YWHAE: variants seen among roughly 807,000 people sequenced by gnomAD.
YWHAE encodes the protein 14-3-3 protein epsilon.
YWHAE carries 4 observed loss-of-function variants against 30.1 expected under a neutral mutation model. The ratio of observed to expected loss-of-function variants is 0.13; its 90% CI spans 0.07 to 0.30. The LOEUF (loss-of-function observed/expected upper bound fraction) is 0.30. Ranked by LOEUF, YWHAE falls within the 10% of genes least tolerant of loss-of-function variation. YWHAE has a pLI of 1.00. For synonymous variants in YWHAE, 118 were observed against 111.8 expected, an observed-to-expected ratio of 1.06 and a Z score of -0.35; for missense variants, 121 against 315.9, an observed-to-expected ratio of 0.38 and a Z score of 4.68.
chr17:1,349,677 T>TG (rs1292550934), intron 5 of YWHAE, among the ~76,000 whole-genome samples: 1 of 151,214 alleles, frequency 6.6e-6, no homozygotes, highest in African/African-American at 2.4e-5. Flanking sequence ...GCAGTGGTGC[T>TG]ATCTCGGCTC....
At chr17:1,373,354 C>A (rs994185453) in intron 1 of YWHAE, among the ~76,000 whole-genome samples, 1 of 151,862 alleles carries the variant, frequency 6.6e-6, no homozygotes, top group African/African-American at 2.4e-5. Flanking sequence ...TCACAGATAA[C>A]CACCATTAAC....
At chr17:1,355,232 A>C (rs1388432851) in intron 4 of YWHAE, among the ~76,000 whole-genome samples, 1 of 124,490 alleles carries the variant, frequency 8.0e-6, no homozygotes, top group Non-Finnish European at 1.6e-5. Flanking sequence ...TGTAGGCTAA[A>C]TGCAAGCTCC....
At chr17:1,377,692 A>G (rs923860652) in intron 1 of YWHAE, among the ~76,000 whole-genome samples, 1 of 152,192 alleles carries the variant, frequency 6.6e-6, no homozygotes, top group African/African-American at 2.4e-5. Context: ...CAATTAGCCA[A>G]TGACCTTTCC....
intron 1 of YWHAE, among the ~76,000 whole-genome samples, chr17:1,368,818 TTAAG>T (rs371757320): frequency 1.1e-3 from 160 of 152,308 alleles, no homozygotes; most frequent in African/African-American, 3.7e-3. Flanking sequence ...AAAGTAAATC[TTAAG>T]TAACCCAGCT....
intron 1 of YWHAE, among the ~76,000 whole-genome samples, chr17:1,370,409 G>A (rs561603818): frequency 2.6e-5 from 4 of 151,948 alleles, no homozygotes; most frequent in Admixed American, 6.5e-5. Flanking sequence ...GGGATTACAG[G>A]CGTGAGCCAC....
At chr17:1,349,915 G>T (rs1013128443) in intron 5 of YWHAE, among the ~76,000 whole-genome samples, 2 of 149,742 alleles carry the variant, frequency 1.3e-5, no homozygotes, top group Non-Finnish European at 3.0e-5. Flanking sequence ...GCGCCCAGCC[G>T]AATTTCACTA....
intron 5 of YWHAE, among the ~76,000 whole-genome samples, chr17:1,348,748 G>C (rs956660386): frequency 4.6e-5 from 7 of 152,220 alleles, no homozygotes; most frequent in African/African-American, 1.7e-4. Context: ...TGTAGGCCGG[G>C]AACAGTGGCT....
intron 1 of YWHAE, among the ~76,000 whole-genome samples, chr17:1,379,420 G>A (rs1301804954): frequency 6.6e-6 from 1 of 152,074 alleles, no homozygotes; most frequent in Non-Finnish European, 1.5e-5. Flanking sequence ...AGGAAGTCAA[G>A]GCTGCAATGA....
At chr17:1,385,378 T>C (rs1461114443) in intron 1 of YWHAE, among the ~76,000 whole-genome samples, 2 of 152,158 alleles carry the variant, frequency 1.3e-5, no homozygotes, top group African/African-American at 4.8e-5. Context: ...CCCAACTACA[T>C]GCCTCAAAAG....
At chr17:1,376,196 CTT>C (rs1249773250) in intron 1 of YWHAE, among the ~76,000 whole-genome samples, 1 of 152,126 alleles carries the variant, frequency 6.6e-6, no homozygotes, top group Non-Finnish European at 1.5e-5. Context: ...TACGAGGATC[CTT>C]TTGTTTGCTT....
intron 1 of YWHAE, among the ~76,000 whole-genome samples, chr17:1,379,992 C>T (rs2073180244): frequency 6.6e-6 from 1 of 152,098 alleles, no homozygotes; most frequent in Non-Finnish European, 1.5e-5. Flanking sequence ...TACCCACATA[C>T]CACGTGCACT....
intron 4 of YWHAE, among the ~76,000 whole-genome samples, chr17:1,355,172 TG>T (rs374523369): frequency 0.54 from 19,453 of 35,774 alleles, 5,843 homozygotes; most frequent in East Asian, 0.7. Context: ...TTTTTTTTTT[TG>T]GGGGACGGGG....
chr17:1,348,026 A>G (rs1311256651), intron 5 of YWHAE: 2 of 1,000,980 alleles, frequency 2.0e-6, no homozygotes, highest in East Asian at 7.2e-5. Context: ...GCAAGGAAAA[A>G]GGGAGGGAGA....
At chr17:1,365,984 C>T (rs1336792980) in intron 1 of YWHAE, among the ~76,000 whole-genome samples, 2 of 65,184 alleles carry the variant, frequency 3.1e-5, no homozygotes, top group South Asian at 3.8e-4. Context: ...TTTGGCAGGC[C>T]GAGGTGGCAC....
At chr17:1,378,108 G>C (rs764862750) in intron 1 of YWHAE, among the ~76,000 whole-genome samples, 3 of 152,186 alleles carry the variant, frequency 2.0e-5, no homozygotes, top group Non-Finnish European at 4.4e-5. Flanking sequence ...AAGTTTGTTG[G>C]AGAGAAACTT....
chr17:1,399,362 C>A (rs892307646), intron 1 of YWHAE: 1 of 152,346 alleles, frequency 6.6e-6, no homozygotes, highest in Non-Finnish European at 1.5e-5. Context: ...TGCCGGCCTA[C>A]GGGAAAGAAA....
chr17:1,391,194 C>G (rs892105347), intron 1 of YWHAE, among the ~76,000 whole-genome samples: 6 of 152,154 alleles, frequency 3.9e-5, no homozygotes, highest in Middle Eastern at 3.2e-3. Context: ...CTACCACATC[C>G]TTAACTAGCA....
chr17:1,359,114 T>C (rs1158998793), intron 4 of YWHAE, among the ~76,000 whole-genome samples: 1 of 150,274 alleles, frequency 6.7e-6, no homozygotes, highest in African/African-American at 2.5e-5. Context: ...CCAGCCTGGG[T>C]GACAGTGCCA....
intron 1 of YWHAE, among the ~76,000 whole-genome samples, chr17:1,388,213 G>A (rs1328399689): frequency 7.2e-6 from 1 of 138,322 alleles, no homozygotes; most frequent in Non-Finnish European, 1.5e-5. Flanking sequence ...TGCCCTCCTC[G>A]GCCTCCCAAA....
Sources: allele counts gnomAD v4.1 joint callset (sites outside exome capture counted in the v4.1 genomes callset), GRCh38; gene constraint gnomAD v4.1.1; transcripts MANE v1.5; gene names NCBI Gene and HGNC (gene_info 2026-07-23, HGNC 2026-07-21).